Variants in SYT3 observed in about 807,000 individuals in gnomAD.
SYT3 encodes the protein synaptotagmin 3, also known as synaptotagmin-3.
Under a neutral mutation model 50.6 loss-of-function variants are expected in SYT3, and 25 were observed. The ratio of observed to expected loss-of-function variants is 0.49; its 90% confidence interval spans 0.36 to 0.69. The LOEUF is 0.69. Ranked by LOEUF, SYT3 falls within the 30% of genes least tolerant of loss-of-function variation. The pLI, the probability that SYT3 is intolerant of heterozygous loss-of-function variation, is 0.00. For missense variants in SYT3, 589 were observed against 793.6 expected, an observed-to-expected ratio of 0.74 and a Z score of 3.10; for synonymous variants, 323 against 353.9, an observed-to-expected ratio of 0.91 and a Z score of 0.98.
the SYT3 span, among the ~76,000 whole-genome samples, chr19:50,652,174 A>G: frequency 6.6e-6 from 1 of 152,282 alleles, no homozygotes. Flanking sequence ...ATATCATCTC[A>G]TACCTAGTAC....
At chr19:50,655,065 C>A in the SYT3 span, among the ~76,000 whole-genome samples, 1 of 152,156 alleles carries the variant, frequency 6.6e-6, no homozygotes, top group Non-Finnish European at 1.5e-5. Flanking sequence ...GCAAATGACT[C>A]CAAAGTTACA....
rs1432667529 is a variant in SYT3, at chr19:50,626,011, C to T, written c.1288G>A (p.Ala430Thr). ...RDIVEGGSEK[A>T]DLGELNFSLC... The stretch of plus-strand genomic sequence containing the variant: ...GAGAAGTTGAGCTCCCCAAGATCTG[C>T]TTTTTCCTGCAGTTGGGGAAAAGGT... The change falls in exon 7 of 11, where the codon GCA (alanine) becomes ACA (threonine). Residue 430 changes from alanine to threonine, a missense_variant. Ala to Thr is a moderately conservative substitution (Grantham distance 58). This residue lies in a region of SYT3 where 273 missense variants were observed against 439.3 expected (regional missense o/e 0.62). Transcript: ENST00000600079. The T allele has an allele frequency of 6.2e-7, 1 of 1,613,560 alleles. No homozygotes were observed. The highest frequency in any genetic ancestry group is 8.5e-7 in the Non-Finnish European group (1 of 1,179,822).
At chr19:50,649,591 C>A in the SYT3 span, 1 of 1,444,228 alleles carries the variant, frequency 6.9e-7, no homozygotes, top group Non-Finnish European at 9.4e-7. Flanking sequence ...CACAGTGTGG[C>A]CTTAAGCGAG....
rs1984531217 is a variant in SYT3, at chr19:50,637,400, G to A, written c.12C>T (p.Asp4=). The A allele has an allele frequency of 1.4e-5, 23 of 1,602,604 alleles. No individual in the cohort carries two copies. The highest frequency in any genetic ancestry group is 2.0e-5 in the Non-Finnish European group (23 of 1,174,126). MSG[D]YEDDLCRRAL... is the part of the protein sequence containing the mutation. ...CCCGCCGGCAGAGGTCATCCTCGTA[G>A]TCTCCTGACATGGTGGCCGTCTGGT... is the stretch of plus-strand genomic sequence containing the variant. Residue 4 remains aspartate (D), a synonymous_variant, in exon 3 of 11, where the codon GAC becomes GAT. Transcript: ENST00000600079. The surrounding 1 kb of genome is among the most constrained non-coding windows in gnomAD (Gnocchi z 4.9).
chr19:50,642,145 G>C (rs1390555888), upstream of SYT3, among the ~76,000 whole-genome samples: 2 of 152,172 alleles, frequency 1.3e-5, no homozygotes, highest in African/African-American at 2.4e-5. Flanking sequence ...TACATCCAGG[G>C]AAGCATGTGC....
At chr19:50,642,922 A>G (rs1984703166), upstream of SYT3, among the ~76,000 whole-genome samples, 2 of 152,222 alleles carry the variant, frequency 1.3e-5, no homozygotes, top group South Asian at 4.1e-4. Flanking sequence ...GCTTAGGAAA[A>G]ATGGCTAGTG....
At chr19:50,638,433 A>G (rs1313416784) in intron 2 of SYT3, among the ~76,000 whole-genome samples, 1 of 151,338 alleles carries the variant, frequency 6.6e-6, no homozygotes, top group Non-Finnish European at 1.5e-5. Flanking sequence ...AGAGGTGGAG[A>G]TGCAGAGATG....
At chr19:50,655,056 C>G in the SYT3 span, among the ~76,000 whole-genome samples, 1 of 152,282 alleles carries the variant, frequency 6.6e-6, no homozygotes, top group East Asian at 1.9e-4. Flanking sequence ...ATCTTTTAAG[C>G]AAATGACTCC....
At chr19:50,640,052 C>T (rs1984632944), upstream of SYT3, among the ~76,000 whole-genome samples, 1 of 152,224 alleles carries the variant, frequency 6.6e-6, no homozygotes, top group Admixed American at 6.5e-5. Flanking sequence ...TCTAGGATCA[C>T]GACGTGCTGC....
the SYT3 span, among the ~76,000 whole-genome samples, chr19:50,648,640 G>A: frequency 2.0e-5 from 3 of 151,762 alleles, no homozygotes; most frequent in African/African-American, 7.3e-5. Context: ...AGACCCAGGA[G>A]TCCAGACCCC....
chr19:50,632,447 T>A lies in SYT3; in HGVS notation c.513A>T (p.Ala171=). The A allele has an allele frequency of 1.2e-6, 2 of 1,613,282 alleles. No individual in the cohort carries two copies. The highest frequency in any genetic ancestry group is 1.7e-6 in the Non-Finnish European group (2 of 1,179,800). Residue 171 remains alanine, a synonymous_variant, in exon 4 of 11, where the codon GCA becomes GCT. Coordinates refer to ENST00000600079, the MANE Select transcript of SYT3 (RefSeq NM_001160329.2). The surrounding 1 kb of genome is among the most constrained non-coding windows in gnomAD (Gnocchi z 4.7). ...TGACCCCAGCGGCCACTGCTGCTGC[T>A]GCAGCCTCTGGATACGAGTCCATGT... ...YLDMDSYPEA[A]AAAVAAGVKP...
rs1227267176 is a variant in SYT3 at position 50,632,507 on chromosome 19, C to G, written c.453G>C (p.Leu151=). The G allele has an allele frequency of 1.9e-6, 3 of 1,611,160 alleles. No homozygotes were observed. The East Asian group carries it at 6.7e-5, about 36-fold the overall frequency. The change falls in exon 4 of 11, where the codon CTG becomes CTC. Residue 151 remains leucine, a synonymous_variant. Coordinates refer to ENST00000600079, the MANE Select transcript of SYT3 (RefSeq NM_001160329.2). This position sits in a 1 kb window ranked among gnomAD's most constrained non-coding sequence, Gnocchi z 4.7. ...PFAELLEPGS[L]GGSDTPEPSY... is the part of the protein sequence containing the mutation. ...AGGGCTCAGGGGTGTCAGAACCCCC[C>G]AGGCTGCCTGGCTCCAGCAGCTCAG...
the SYT3 span, among the ~76,000 whole-genome samples, chr19:50,657,538 C>A: frequency 0.085 from 12,878 of 152,224 alleles, 1,306 homozygotes; most frequent in African/African-American, 0.24. Flanking sequence ...ACCCCTATGA[C>A]CCTTATCTTT....
Position 50,625,702 on chromosome 19 carries a change from C to A in SYT3, c.1403-138G>T. The A allele has an allele frequency of 7.1e-7, 1 of 1,406,848 alleles. No homozygotes were observed. The highest frequency in any genetic ancestry group is 9.5e-7 in the Non-Finnish European group (1 of 1,050,276). 87.1% of individuals were successfully genotyped at this position (1,406,848 alleles called of 1,614,324 possible). A position where few individuals can be genotyped will look rare whatever the true frequency, so the allele number is the denominator to read the frequency against. On this transcript the variant is annotated intron_variant, in intron 7 of 10. Coordinates refer to ENST00000600079, the MANE Select transcript of SYT3 (RefSeq NM_001160329.2). This position sits in a 1 kb window ranked among gnomAD's most constrained non-coding sequence, Gnocchi z 7.5. ...CCCCCAGTCCCTCCTTCCTCAGGCC[C>A]AAGAGTCCAGACCCCAGGTCCTCCT...
chr19:50,625,158 T>C lies in SYT3; in HGVS notation c.1707+4A>G, dbSNP rs759861372. 2.5e-6 allele frequency: 4 copies of C among 1,584,878 alleles called. No individual in the cohort carries two copies. In the South Asian group the frequency reaches 4.5e-5, roughly 18 times the overall value. On this transcript the variant is annotated splice_donor_region_variant and intron_variant, in intron 9 of 10. Coordinates refer to ENST00000600079, the MANE Select transcript of SYT3 (RefSeq NM_001160329.2). The surrounding 1 kb of genome is among the most constrained non-coding windows in gnomAD (Gnocchi z 7.5). ...TCAGGGGTCGGTGTGGGACCCCTACTCACCTCCACTAGCTGATGCCAGTGC... is the reference window on the plus strand; with the variant it reads ...TCAGGGGTCGGTGTGGGACCCCTACCCACCTCCACTAGCTGATGCCAGTGC...
In SYT3 at chr19:50,625,171, C is replaced by G; in HGVS notation, c.1698G>C (p.Gln566His). 6.3e-7 allele frequency: 1 copy of G among 1,597,962 alleles called. No homozygotes were observed. The highest frequency in any genetic ancestry group is 8.5e-7 in the Non-Finnish European group (1 of 1,175,878). Residue 566 changes from glutamine to histidine, a missense_variant, in exon 9 of 11, where the codon CAG becomes CAC. Around this residue, in one of 2 missense-constraint regions of SYT3, gnomAD observed 273 missense variants for 439.3 expected, o/e 0.62. Coordinates refer to ENST00000600079, the MANE Select transcript of SYT3 (RefSeq NM_001160329.2). This position sits in a 1 kb window ranked among gnomAD's most constrained non-coding sequence, Gnocchi z 7.5. The part of the protein sequence containing the change: ...NPRKPVEHWH[Q>H]LVEEKTVTSF... ...TGGGACCCCTACTCACCTCCACTAG[C>G]TGATGCCAGTGCTCCACGGGCTTGC...
the SYT3 span, among the ~76,000 whole-genome samples, chr19:50,647,664 C>T: frequency 6.6e-6 from 1 of 152,048 alleles, no homozygotes. Flanking sequence ...GAGACCCTGT[C>T]TCAAAAACAA....
intron 9 of SYT3, among the ~76,000 whole-genome samples, chr19:50,623,997 C>G (rs1221669265): frequency 6.6e-6 from 1 of 150,814 alleles, no homozygotes; most frequent in African/African-American, 2.4e-5. Context: ...GGTTCCTGCT[C>G]CATTGCCCAG....
chr19:50,634,558 T>A (rs990208000), intron 3 of SYT3, among the ~76,000 whole-genome samples: 2 of 140,350 alleles, frequency 1.4e-5, no homozygotes, highest in African/African-American at 5.2e-5. Context: ...CCTTCCCCCC[T>A]CCCTCTTGGG....
Sources: allele counts gnomAD v4.1 joint callset (sites outside exome capture counted in the v4.1 genomes callset), GRCh38; gene constraint gnomAD v4.1.1; regional missense constraint gnomAD v4.1.1; non-coding constraint Gnocchi (gnomAD v3.1); transcripts MANE v1.5; gene names NCBI Gene and HGNC (gene_info 2026-07-23, HGNC 2026-07-21).